Variants in TMTC2 observed in about 807,000 individuals in gnomAD.
TMTC2 encodes protein O-mannosyl-transferase TMTC2.
In TMTC2, 43 loss-of-function variants were observed where a neutral mutation model predicts 82.4. That is an observed-to-expected ratio of 0.52 (90% confidence interval 0.41 to 0.67). The LOEUF (loss-of-function observed/expected upper bound fraction) is 0.67, where lower values mean the gene tolerates loss of function less well. TMTC2 is among the 30% of genes least tolerant of loss of function. TMTC2 has a pLI of 0.00. For synonymous variants in TMTC2, 408 were observed against 381.9 expected (o/e 1.07, Z -0.80); for missense variants, 919 against 1,012.4 (o/e 0.91, Z 1.25).
intron 3 of TMTC2, among the ~76,000 whole-genome samples, chr12:82,902,716 G>A (rs543534691): frequency 6.6e-6 from 1 of 152,204 alleles, no homozygotes; most frequent in Admixed American, 6.5e-5. Flanking sequence ...CAGTGGCGGG[G>A]AGGGAGGGAG....
chr12:83,110,202 G>T (rs1884553058), intron 11 of TMTC2, among the ~76,000 whole-genome samples: 1 of 152,010 alleles, frequency 6.6e-6, no homozygotes, highest in South Asian at 2.1e-4. Context: ...AATTATTCGT[G>T]CTTCCAATTC....
intron 4 of TMTC2, among the ~76,000 whole-genome samples, chr12:82,961,973 A>G (rs1421286822): frequency 6.6e-6 from 1 of 152,024 alleles, no homozygotes; most frequent in African/African-American, 2.4e-5. Context: ...CTTTATTCAG[A>G]TTATGTAGAG....
At chr12:82,996,125 A>G (rs1174663231) in intron 8 of TMTC2, among the ~76,000 whole-genome samples, 1 of 152,236 alleles carries the variant, frequency 6.6e-6, no homozygotes, top group East Asian at 1.9e-4. Context: ...TTTTTAAATG[A>G]AAAGAATTTT....
intron 7 of TMTC2, among the ~76,000 whole-genome samples, chr12:82,982,527 A>T (rs1461990919): frequency 4.0e-5 from 6 of 151,292 alleles, no homozygotes; most frequent in African/African-American, 1.5e-4. Flanking sequence ...CCTTAGAACT[A>T]AAGTACATAT....
chr12:82,857,153 A>G lies in TMTC2; in HGVS notation c.227A>G (p.Asn76Ser), dbSNP rs1238946841. Reference protein sequence around the residue: ...RPLCTLSFRLNHAIGGLNPWS... With the variant: ...RPLCTLSFRLSHAIGGLNPWS... ...CTCTGCACTCTTTCTTTTCGCCTGA[A>G]CCATGCCATTGGAGGGTTGAATCCC... The change falls in exon 2 of 12, where the codon AAC becomes AGC. Residue 76 changes from asparagine to serine, a missense_variant. Transcript: ENST00000321196. The G allele has an allele frequency of 6.2e-7, 1 of 1,614,070 alleles. No homozygotes were observed. Among genetic ancestry groups the G allele is most frequent in the Non-Finnish European group, 8.5e-7 (1 of 1,180,010 alleles).
At chr12:82,728,358 T>G (rs1874572062) in intron 1 of TMTC2, among the ~76,000 whole-genome samples, 1 of 152,034 alleles carries the variant, frequency 6.6e-6, no homozygotes, top group East Asian at 1.9e-4. Flanking sequence ...TTTTTTTTTG[T>G]TTTTGTTTTT....
At chr12:82,704,892 T>A (rs2136904102) in intron 1 of TMTC2, among the ~76,000 whole-genome samples, 2 of 152,314 alleles carry the variant, frequency 1.3e-5, no homozygotes, top group East Asian at 3.9e-4. Flanking sequence ...TGCACACGCA[T>A]GTTTATAGCG....
chr12:82,794,384 G>A (rs1031719567), intron 1 of TMTC2, among the ~76,000 whole-genome samples: 6 of 152,090 alleles, frequency 3.9e-5, no homozygotes, highest in East Asian at 3.9e-4. Context: ...CTGTGTTGGG[G>A]GGAAACACAA....
intron 1 of TMTC2, among the ~76,000 whole-genome samples, chr12:82,804,403 G>A (rs375133884): frequency 1.4e-3 from 219 of 152,184 alleles, no homozygotes; most frequent in African/African-American, 5.1e-3. Flanking sequence ...AAATCATGGT[G>A]TATTATTTCT....
chr12:82,811,697 C>T (rs118152467), intron 1 of TMTC2, among the ~76,000 whole-genome samples: 6,784 of 151,098 alleles, frequency 0.045, 232 homozygotes, highest in Middle Eastern at 0.14. Context: ...ATGAATGAGC[C>T]GTTTATACTA....
intron 1 of TMTC2, among the ~76,000 whole-genome samples, chr12:82,701,826 A>T (rs1873099729): frequency 6.6e-6 from 1 of 152,082 alleles, no homozygotes; most frequent in Non-Finnish European, 1.5e-5. Flanking sequence ...TACATATTTA[A>T]CATTTTTCTA....
intron 1 of TMTC2, among the ~76,000 whole-genome samples, chr12:82,777,444 TA>T (rs112691064): frequency 1.3e-3 from 198 of 152,252 alleles, no homozygotes; most frequent in African/African-American, 4.5e-3. Context: ...TCTCTTTCCA[TA>T]TTGTTTAATT....
intron 8 of TMTC2, among the ~76,000 whole-genome samples, chr12:82,990,370 A>G (rs1879349007): frequency 1.3e-5 from 2 of 152,140 alleles, no homozygotes. Flanking sequence ...TTTGTCTTTA[A>G]GAATTTGTGT....
At chr12:82,943,899 G>A (rs1343772132) in intron 4 of TMTC2, among the ~76,000 whole-genome samples, 2 of 152,158 alleles carry the variant, frequency 1.3e-5, no homozygotes, top group Non-Finnish European at 2.9e-5. Flanking sequence ...AGAATGTTAT[G>A]TAATAAAGTG....
chr12:82,817,731 T>C (rs562707750), intron 1 of TMTC2, among the ~76,000 whole-genome samples: 1 of 152,296 alleles, frequency 6.6e-6, no homozygotes, highest in African/African-American at 2.4e-5. Flanking sequence ...CTCCATAATA[T>C]GGAATTCACT....
At chr12:82,716,862 C>T (rs1873928215) in intron 1 of TMTC2, among the ~76,000 whole-genome samples, 1 of 152,216 alleles carries the variant, frequency 6.6e-6, no homozygotes, top group Non-Finnish European at 1.5e-5. Context: ...TTATAAGCCT[C>T]TTCTGCTTCT....
rs1361530577 is a variant in TMTC2, at chr12:82,756,129, C to A, written c.83+68460C>A. ...AACTATCTAATCATAGGTTGATTAT[C>A]TCCTTAGTTTTTATTTGGGTATGTT... On this transcript the variant is annotated intron_variant, in intron 1 of 11. Transcript: ENST00000321196. Among the ~76,000 whole-genome samples, 6 of 152,052 alleles carry A rather than the reference C, an allele frequency of 3.9e-5. No individual in the cohort carries two copies. In the East Asian group the frequency reaches 1.2e-3, roughly 29 times the overall value.
chr12:83,057,980 C>A (rs192826559), intron 10 of TMTC2, among the ~76,000 whole-genome samples: 4 of 151,866 alleles, frequency 2.6e-5, no homozygotes, highest in East Asian at 3.9e-4. Flanking sequence ...GTAAGTGGTT[C>A]TTTTAATCAG....
intron 11 of TMTC2, among the ~76,000 whole-genome samples, chr12:83,128,506 T>G (rs1885162473): frequency 1.3e-5 from 2 of 152,136 alleles, no homozygotes; most frequent in Non-Finnish European, 2.9e-5. Flanking sequence ...TATCCTCCGA[T>G]ATACTTTGTT....
Sources: gnomAD v4.1 joint callset for allele counts (sites outside exome capture counted in the v4.1 genomes callset) on GRCh38, gnomAD v4.1.1 for gene constraint, MANE v1.5 for transcripts, NCBI Gene and HGNC (gene_info 2026-07-23, HGNC 2026-07-21) for gene names.